The following ERBB4 variants were observed in gnomAD, a reference collection of about 807,000 sequenced individuals.
ERBB4 encodes receptor tyrosine-protein kinase erbB-4.
ERBB4 carries 42 observed loss-of-function variants against 158.0 expected under a neutral mutation model. The ratio of observed to expected loss-of-function variants is 0.27; its 90% confidence interval spans 0.21 to 0.34. ERBB4 has a LOEUF of 0.34. Among genes scored for constraint, ERBB4 ranks in the 10% least tolerant of loss-of-function variants. ERBB4 has a pLI of 1.00. For synonymous variants in ERBB4, 583 were observed against 558.7 expected, an observed-to-expected ratio of 1.04 and a Z score of -0.61; for missense variants, 1,333 against 1,624.1, an observed-to-expected ratio of 0.82 and a Z score of 3.08.
chr2:211,665,433 T>C lies in ERBB4; in HGVS notation c.1761A>G (p.Pro587=), dbSNP rs745738736. ...CATCTGGACATTTTTCCACACAGTT[T>C]GGGCCATCTTTAAAATGAGAGCACT... The part of the protein sequence containing the change: ...CTKCSHFKDG[P]NCVEKCPDGL... Residue 587 remains proline (P), a synonymous_variant, in exon 15 of 28, where the codon CCA becomes CCG. Transcript: ENST00000342788. The C allele has an allele frequency of 6.2e-6, 10 of 1,614,006 alleles. No individual in the cohort carries two copies. In the South Asian group the frequency reaches 8.8e-5, roughly 14 times the overall value.
intron 19 of ERBB4, among the ~76,000 whole-genome samples, chr2:211,562,484 G>C (rs148293181): frequency 6.6e-6 from 1 of 152,106 alleles, no homozygotes; most frequent in Admixed American, 6.6e-5. Flanking sequence ...TTAGTTAGTT[G>C]CAGGTAGAGT....
At chr2:211,448,534 T>C (rs901795538) in intron 20 of ERBB4, among the ~76,000 whole-genome samples, 1 of 151,528 alleles carries the variant, frequency 6.6e-6, no homozygotes, top group Non-Finnish European at 1.5e-5. Context: ...TAAGAAATGA[T>C]AATGAAGGTG....
intron 19 of ERBB4, among the ~76,000 whole-genome samples, chr2:211,598,111 C>T (rs773233351): frequency 5.9e-5 from 9 of 152,092 alleles, no homozygotes; most frequent in Non-Finnish European, 8.8e-5. Context: ...TCTTTTGAAA[C>T]ACTGACTGCC....
chr2:211,947,729 T>C (rs2080743175), intron 2 of ERBB4, 113 bp from the exon 3 acceptor site: 1 of 846,450 alleles, frequency 1.2e-6, no homozygotes, highest in Non-Finnish European at 1.9e-6. Context: ...TTTAGTTTAA[T>C]ACATTATTTT....
intron 20 of ERBB4, among the ~76,000 whole-genome samples, chr2:211,522,290 G>A (rs1272843015): frequency 2.6e-5 from 4 of 152,128 alleles, no homozygotes; most frequent in Non-Finnish European, 5.9e-5. Flanking sequence ...ACTTTGAAGG[G>A]TTCAAGATTT....
intron 1 of ERBB4, among the ~76,000 whole-genome samples, chr2:212,152,247 T>C (rs7579746): frequency 0.092 from 13,930 of 152,164 alleles, 1,216 homozygotes; most frequent in African/African-American, 0.23. Flanking sequence ...CGGCTAATTA[T>C]TTTACTCCTA....
chr2:211,774,923 A>G (rs894008396), intron 4 of ERBB4, among the ~76,000 whole-genome samples: 14 of 152,288 alleles, frequency 9.2e-5, no homozygotes, highest in African/African-American at 1.9e-4. Flanking sequence ...GATTAGTCCA[A>G]TGTAATGTTA....
At chr2:211,757,992 A>G (rs1040392464) in intron 4 of ERBB4, among the ~76,000 whole-genome samples, 2 of 152,210 alleles carry the variant, frequency 1.3e-5, no homozygotes, top group Non-Finnish European at 2.9e-5. Context: ...CTGTTTCTAC[A>G]TATAGATTTA....
chr2:212,174,068 T>C (rs1419922562), intron 1 of ERBB4, among the ~76,000 whole-genome samples: 1 of 152,104 alleles, frequency 6.6e-6, no homozygotes, highest in African/African-American at 2.4e-5. Context: ...AGATTCCTGC[T>C]GCAGCTGAAC....
intron 15 of ERBB4, among the ~76,000 whole-genome samples, chr2:211,664,756 C>A (rs1413514427): frequency 1.3e-5 from 2 of 152,258 alleles, no homozygotes; most frequent in African/African-American, 2.4e-5. Flanking sequence ...AAATTCAAGG[C>A]TAAAGGATTA....
intron 1 of ERBB4, among the ~76,000 whole-genome samples, chr2:212,384,975 T>C (rs975912017): frequency 8.1e-5 from 12 of 147,964 alleles, no homozygotes; most frequent in Admixed American, 2.7e-4. Context: ...ACTACTACCC[T>C]ACAAGGTGTT....
chr2:211,741,595 C>T (rs2074799675), intron 5 of ERBB4, among the ~76,000 whole-genome samples: 1 of 151,888 alleles, frequency 6.6e-6, no homozygotes, highest in Non-Finnish European at 1.5e-5. Context: ...TACCTAATGT[C>T]CCAGTTTAAT....
chr2:212,376,500 C>T (rs755542613), intron 1 of ERBB4, among the ~76,000 whole-genome samples: 3 of 152,018 alleles, frequency 2.0e-5, no homozygotes, highest in Non-Finnish European at 4.4e-5. Flanking sequence ...AGCTTTGCCA[C>T]GGAGTCCTTC....
intron 1 of ERBB4, among the ~76,000 whole-genome samples, chr2:212,465,258 G>C (rs1688775329): frequency 6.6e-6 from 1 of 152,068 alleles, no homozygotes; most frequent in African/African-American, 2.4e-5. Flanking sequence ...TTTTCATGAA[G>C]AGACCAAGAC....
At chr2:212,272,751 C>T (rs1373931431) in intron 1 of ERBB4, among the ~76,000 whole-genome samples, 3 of 151,468 alleles carry the variant, frequency 2.0e-5, no homozygotes, top group Admixed American at 6.6e-5. Context: ...TTTTTCTTTG[C>T]GTAGAAAGAT....
intron 7 of ERBB4, among the ~76,000 whole-genome samples, chr2:211,721,816 T>A (rs2074104172): frequency 1.3e-5 from 2 of 152,072 alleles, no homozygotes; most frequent in Non-Finnish European, 2.9e-5. Context: ...AGAAACAGTA[T>A]GATAGGCAAA....
chr2:212,214,017 T>G lies in ERBB4; in HGVS notation c.83-89114A>C, dbSNP rs999953354. 2.0e-5 allele frequency among the ~76,000 whole-genome samples: 3 copies of G among 151,894 alleles called. No individual in the cohort carries two copies. The East Asian group carries it at 5.8e-4, about 29-fold the overall frequency. On this transcript the variant is annotated intron_variant, in intron 1 of 27. Coordinates refer to ENST00000342788, the MANE Select transcript of ERBB4 (RefSeq NM_005235.3). ...TGCAAGGACAGTGCTAGGACTACAG[T>G]TGAGGTATTCAGAATCCAAGAACAC...
intron 19 of ERBB4, among the ~76,000 whole-genome samples, chr2:211,611,658 T>C (rs1184010404): frequency 6.6e-6 from 1 of 152,182 alleles, no homozygotes; most frequent in African/African-American, 2.4e-5. Flanking sequence ...ATCAACTTTA[T>C]TTTTCTTTTC....
intron 1 of ERBB4, among the ~76,000 whole-genome samples, chr2:212,273,928 G>A (rs1465490016): frequency 1.3e-5 from 2 of 151,824 alleles, no homozygotes; most frequent in East Asian, 1.9e-4. Context: ...TGACCCCTGT[G>A]CACTGGAAAA....
Sources: allele counts gnomAD v4.1 joint callset (sites outside exome capture counted in the v4.1 genomes callset), GRCh38; gene constraint gnomAD v4.1.1; transcripts MANE v1.5; gene names NCBI Gene and HGNC (gene_info 2026-07-23, HGNC 2026-07-21).